DNAJB4: variants seen among roughly 807,000 people sequenced by gnomAD.
DNAJB4 encodes dnaJ homolog subfamily B member 4.
In DNAJB4, 10 loss-of-function variants were observed where a neutral mutation model predicts 26.6. That is an observed-to-expected ratio of 0.38 (90% CI 0.23 to 0.64). The LOEUF (loss-of-function observed/expected upper bound fraction) is 0.64. Ranked by LOEUF, DNAJB4 falls within the 30% of genes least tolerant of loss-of-function variation. The probability of loss-of-function intolerance (pLI) is 0.58; values close to 1 mark genes in which losing one functional copy is unlikely to be tolerated. For missense variants in DNAJB4, 328 were observed against 408.2 expected, an observed-to-expected ratio of 0.80 and a Z score of 1.69; for synonymous variants, 136 against 134.8, an observed-to-expected ratio of 1.01 and a Z score of -0.06.
At chr1:78,008,725 T>C (rs962063304) in intron 1 of DNAJB4, among the ~76,000 whole-genome samples, 1 of 152,152 alleles carries the variant, frequency 6.6e-6, no homozygotes, top group African/African-American at 2.4e-5. Context: ...AATAGGTTAA[T>C]TTTATATATG....
chr1:78,016,304 G>A lies in DNAJB4; in HGVS notation c.*57G>A. 1 of 1,406,492 alleles carries A rather than the reference G, an allele frequency of 7.1e-7. No homozygotes were observed. Among genetic ancestry groups the A allele is most frequent in the Non-Finnish European group, 9.9e-7 (1 of 1,008,412 alleles). The allele number at this position is 1,406,492 out of a possible 1,614,324, so 87.1% of individuals were successfully genotyped here. ...AGGCACTGAAAATATAAAAGGACTG[G>A]TAGTTTACTGATGTAGATGTGAATT... On this transcript the variant is annotated 3_prime_UTR_variant, in exon 3 of 3. Transcript: ENST00000370763.
intron 1 of DNAJB4, among the ~76,000 whole-genome samples, chr1:77,996,860 T>C (rs953613256): frequency 6.6e-6 from 1 of 152,102 alleles, no homozygotes; most frequent in African/African-American, 2.4e-5. Flanking sequence ...TTATTATTAT[T>C]TGAGACAGGA....
At chr1:78,002,036 TACATGTAAGCTATA>T (rs1660205651), upstream of DNAJB4, among the ~76,000 whole-genome samples, 1 of 152,242 alleles carries the variant, frequency 6.6e-6, no homozygotes, top group African/African-American at 2.4e-5. Context: ...CCGTCACACA[TACATGTAAGCTATA>T]ACATCATATA....
chr1:78,001,646 C>A (rs2102601907), upstream of DNAJB4, among the ~76,000 whole-genome samples: 1 of 152,192 alleles, frequency 6.6e-6, no homozygotes, highest in Non-Finnish European at 1.5e-5. Flanking sequence ...ACAAATTATA[C>A]TTTTAGTTTT....
intron 2 of DNAJB4, among the ~76,000 whole-genome samples, chr1:78,015,599 G>A (rs1178837495): frequency 7.1e-6 from 1 of 140,540 alleles, no homozygotes; most frequent in African/African-American, 2.7e-5. Context: ...GCCCAGGCTG[G>A]AGTGCAATGG....
At chr1:77,985,202 C>T (rs999830131) in intron 1 of DNAJB4, among the ~76,000 whole-genome samples, 1 of 152,134 alleles carries the variant, frequency 6.6e-6, no homozygotes, top group Non-Finnish European at 1.5e-5. Flanking sequence ...CCAGTGAAAT[C>T]CTTAACTGGA....
chr1:78,005,152 A>G lies in DNAJB4; in HGVS notation c.42A>G (p.Gly14=), dbSNP rs1212403026. ...DYYCILGIEK[G]ASDEDIKKAY... Reference sequence around the variant, plus strand: ...ATTGCATTTTGGGAATTGAGAAAGGAGCTTCAGATGAAGATATTAAAAAGG... The same window carrying G: ...ATTGCATTTTGGGAATTGAGAAAGGGGCTTCAGATGAAGATATTAAAAAGG... Residue 14 remains glycine, a synonymous_variant, in exon 1 of 3, where the codon GGA becomes GGG. Coordinates refer to ENST00000370763, the MANE Select transcript of DNAJB4 (RefSeq NM_007034.5). 5.0e-6 allele frequency: 8 copies of G among 1,614,122 alleles called. No homozygotes were observed. Among genetic ancestry groups the G allele is most frequent in the East Asian group, 2.2e-5 (1 of 44,874 alleles).
At chr1:77,987,982 T>TATAC (rs1659835843) in intron 1 of DNAJB4, among the ~76,000 whole-genome samples, 1 of 148,542 alleles carries the variant, frequency 6.7e-6, no homozygotes, top group Non-Finnish European at 1.5e-5. Context: ...ACATTATATA[T>TATAC]ATACATAATA....
At chr1:77,982,784 C>T (rs907011616) in intron 1 of DNAJB4, among the ~76,000 whole-genome samples, 3 of 152,050 alleles carry the variant, frequency 2.0e-5, no homozygotes, top group African/African-American at 2.4e-5. Flanking sequence ...GGTGACACAG[C>T]GAGATTCTGT....
intron 1 of DNAJB4, among the ~76,000 whole-genome samples, chr1:78,012,766 G>A (rs1194125641): frequency 2.0e-5 from 3 of 152,074 alleles, no homozygotes; most frequent in African/African-American, 7.2e-5. Flanking sequence ...CCAAGATTGC[G>A]CCATTGCACT....
At chr1:77,988,224 T>C (rs1334652222) in intron 1 of DNAJB4, among the ~76,000 whole-genome samples, 2 of 152,012 alleles carry the variant, frequency 1.3e-5, no homozygotes, top group East Asian at 1.9e-4. Flanking sequence ...AGTATTGTTA[T>C]ATTGTCCAGG....
chr1:77,998,480 A>C (rs147349474), intron 1 of DNAJB4, among the ~76,000 whole-genome samples: 82 of 152,340 alleles, frequency 5.4e-4, no homozygotes, highest in African/African-American at 1.9e-3. Context: ...TTAATGTCTT[A>C]AAGACACTTG....
At position 78,016,521 on chromosome 1, in the gene DNAJB4, T is replaced by G; in HGVS notation, c.*274T>G. The G allele has an allele frequency of 2.5e-6, 1 of 408,088 alleles. No homozygotes were observed. The highest frequency in any genetic ancestry group is 4.4e-6 in the Non-Finnish European group (1 of 228,044). The allele number at this position is 408,088 out of a possible 1,614,324, so 25.3% of individuals were successfully genotyped here. A position where few individuals can be genotyped will look rare whatever the true frequency, so the allele number is the denominator to read the frequency against. The stretch of plus-strand genomic sequence containing the variant: ...ATATGTAAAAGTTGTTTTTGTGGAG[T>G]CAGTGGATATATTTCTAATGAAGTG... On this transcript the variant is annotated 3_prime_UTR_variant, in exon 3 of 3. Coordinates refer to ENST00000370763, the MANE Select transcript of DNAJB4 (RefSeq NM_007034.5).
intron 1 of DNAJB4, among the ~76,000 whole-genome samples, chr1:77,988,695 G>A (rs190993564): frequency 1.3e-5 from 2 of 152,038 alleles, no homozygotes; most frequent in Admixed American, 1.3e-4. Context: ...ATCATTTCTG[G>A]CTACCCTATC....
intron 2 of DNAJB4, among the ~76,000 whole-genome samples, chr1:78,015,550 C>CTTTTTTTTTTTTTTTTT (rs766899519): frequency 3.5e-5 from 2 of 57,810 alleles, no homozygotes; most frequent in Non-Finnish European, 7.7e-5. Flanking sequence ...TTTCTTTCTT[C>CTTTTTTTTTTTTTTTTT]TTTTTTTTTT....
intron 1 of DNAJB4, among the ~76,000 whole-genome samples, chr1:78,006,003 C>T (rs979307582): frequency 1.3e-5 from 2 of 152,304 alleles, no homozygotes; most frequent in East Asian, 1.9e-4. Context: ...AATGAAATCT[C>T]AGAAATACAA....
Position 78,013,231 on chromosome 1 carries a change from C to T in DNAJB4, c.392C>T (p.Pro131Leu), listed in dbSNP as rs146237619. ...GAAGAAATGGAAATAGATGGTGATC[C>T]TTTTAGTGCCTTTGGTTTCAGCATG... ...DSEEMEIDGDPFSAFGFSMNG... is the reference protein window; with the variant it reads ...DSEEMEIDGDLFSAFGFSMNG... Residue 131 changes from proline (P) to leucine (L), a missense_variant, in exon 2 of 3, where the codon CCT becomes CTT. Transcript: ENST00000370763. 6.6e-5 allele frequency: 106 copies of T among 1,614,008 alleles called. No individual in the cohort carries two copies. The highest frequency in any genetic ancestry group is 8.2e-5 in the Non-Finnish European group (97 of 1,180,022).
At chr1:78,003,798 A>G (rs537332840), upstream of DNAJB4, among the ~76,000 whole-genome samples, 3 of 152,304 alleles carry the variant, frequency 2.0e-5, no homozygotes, top group East Asian at 5.8e-4. Flanking sequence ...TATAAATGCT[A>G]TGATCTAACT....
chr1:77,983,645 G>T (rs563988709), intron 1 of DNAJB4, among the ~76,000 whole-genome samples: 1 of 152,148 alleles, frequency 6.6e-6, no homozygotes, highest in African/African-American at 2.4e-5. Flanking sequence ...ATCTTGCACC[G>T]CCCTTAATCC....
Sources: gnomAD v4.1 joint callset for allele counts (sites outside exome capture counted in the v4.1 genomes callset) on GRCh38, gnomAD v4.1.1 for gene constraint, MANE v1.5 for transcripts, NCBI Gene and HGNC (gene_info 2026-07-23, HGNC 2026-07-21) for gene names.